TLN2: variants seen among roughly 807,000 people sequenced by gnomAD.
The protein encoded by TLN2 is talin-2.
A neutral mutation model predicts 294.7 loss-of-function variants in TLN2; 118 were observed. That is an observed-to-expected ratio of 0.40 (90% confidence interval 0.34 to 0.47). The LOEUF is 0.47. TLN2 is among the 20% of genes least tolerant of loss of function. The pLI, the probability that TLN2 is intolerant of heterozygous loss-of-function variation, is 0.84. For synonymous variants in TLN2, 1,431 were observed against 1,304.5 expected (o/e 1.10, Z -2.09); for missense variants, 3,083 against 3,282.2 (o/e 0.94, Z 1.48).
rs575939961 is a variant in TLN2, at chr15:62,720,776, T to C, written c.2991+896T>C. Among the ~76,000 whole-genome samples the C allele has an allele frequency of 2.8e-4, 43 of 152,340 alleles. No individual in the cohort carries two copies. In the East Asian group the frequency reaches 4.4e-3, roughly 16 times the overall value. On this transcript the variant is annotated intron_variant, in intron 25 of 58. Transcript: ENST00000636159. The stretch of plus-strand genomic sequence containing the variant: ...TATGATTTTGAATAATCTTCTGTTA[T>C]ATGACTATACTCTTCATTTAACTTT...
intron 3 of TLN2, among the ~76,000 whole-genome samples, chr15:62,628,038 G>A (rs916248120): frequency 2.0e-5 from 3 of 152,166 alleles, no homozygotes; most frequent in Admixed American, 6.5e-5. Flanking sequence ...AAACATTCTC[G>A]TTTTCTAGAG....
At chr15:62,591,079 G>T (rs2046042260) in intron 2 of TLN2, among the ~76,000 whole-genome samples, 2 of 151,852 alleles carry the variant, frequency 1.3e-5, no homozygotes, top group Non-Finnish European at 2.9e-5. Flanking sequence ...TGTATTTTGT[G>T]TGTGGAATTT....
intron 1 of TLN2, among the ~76,000 whole-genome samples, chr15:62,540,453 G>A (rs1413775902): frequency 6.6e-6 from 1 of 151,686 alleles, no homozygotes; most frequent in Non-Finnish European, 1.5e-5. Context: ...ATAAAATGAG[G>A]TATGCAGGTA....
chr15:62,420,924 A>G (rs773795355), intron 1 of TLN2, among the ~76,000 whole-genome samples: 12 of 152,226 alleles, frequency 7.9e-5, no homozygotes, highest in Non-Finnish European at 1.8e-4. Context: ...TAGATTAAGT[A>G]AATTTACTGA....
In TLN2 at chr15:62,838,869, C is replaced by G. The variant is rs528804503; in HGVS notation, c.7388C>G (p.Ala2463Gly). 2 of 1,609,570 alleles carry G rather than the reference C, an allele frequency of 1.2e-6. No homozygotes were observed. Among genetic ancestry groups the G allele is most frequent in the African/African-American group, 1.4e-5 (1 of 71,132 alleles). ...AMRRLQAAGN[A>G]VKRASDNLVR... ...TTCACTCTCCAGGCGGCAGGAAATG[C>G]TGTGAAAAGAGCCTCAGACAATCTT... is the stretch of plus-strand genomic sequence containing the variant. The change falls in exon 58 of 59, where the codon GCT (alanine) becomes GGT (glycine). Residue 2463 changes from alanine to glycine, a missense_variant. Coordinates refer to ENST00000636159, the MANE Select transcript of TLN2 (RefSeq NM_015059.3).
At position 62,593,342 on chromosome 15, in the gene TLN2, G is replaced by C. The variant is rs929455328; in HGVS notation, c.-162+3580G>C. Among the ~76,000 whole-genome samples, 6 of 152,326 alleles carry C rather than the reference G, an allele frequency of 3.9e-5. No individual in the cohort carries two copies. The East Asian group carries it at 7.7e-4, about 20-fold the overall frequency. On this transcript the variant is annotated intron_variant, in intron 2 of 58. Transcript: ENST00000636159. ...CTTAGCACTGTCAATCAAGATTCCT[G>C]GACCTAGGCTGCGCTCCTCACTCTG...
At chr15:62,651,960 A>G (rs1261823595) in intron 5 of TLN2, 45 bp from the exon 6 acceptor site, 1 of 1,490,778 alleles carries the variant, frequency 6.7e-7, no homozygotes, top group Admixed American at 2.1e-5. Context: ...TTTGTTATTT[A>G]TTTTCCCCAC....
Position 62,786,625 on chromosome 15 carries a change from C to T in TLN2, c.5736+2735C>T, listed in dbSNP as rs961409560. Among the ~76,000 whole-genome samples the T allele has an allele frequency of 2.0e-5, 3 of 152,276 alleles. No homozygotes were observed. In the South Asian group the frequency reaches 6.2e-4, roughly 32 times the overall value. The stretch of plus-strand genomic sequence containing the variant: ...CTCTGAGGAAAATGTGCAGTAACCA[C>T]TTGAAATACTGGATGCCTTAAAAGC... On this transcript the variant is annotated intron_variant, in intron 45 of 58. Transcript: ENST00000636159.
chr15:62,504,154 C>T (rs988703499), intron 1 of TLN2, among the ~76,000 whole-genome samples: 9 of 152,138 alleles, frequency 5.9e-5, no homozygotes, highest in African/African-American at 1.9e-4. Flanking sequence ...TGTTGTTGTT[C>T]TTGTTGAACT....
At chr15:62,658,228 T>C in intron 9 of TLN2, 1 of 213,662 alleles carries the variant, frequency 4.7e-6, no homozygotes, top group Non-Finnish European at 9.0e-6. Flanking sequence ...TGAACGCCAG[T>C]GTGGGGGTTG....
rs542938343 is a variant in TLN2 at position 62,673,215 on chromosome 15, G to T, written c.789-612G>T. Reference sequence around the variant, plus strand: ...TCTTACAAGGGATACACAGTCAAAAGACTGTTTTGCAGTTACTTGACATAA... The same window carrying T: ...TCTTACAAGGGATACACAGTCAAAATACTGTTTTGCAGTTACTTGACATAA... On this transcript the variant is annotated intron_variant, in intron 9 of 58. Transcript: ENST00000636159. Among the ~76,000 whole-genome samples the T allele has an allele frequency of 7.3e-5, 11 of 150,428 alleles. No individual in the cohort carries two copies. In the East Asian group the frequency reaches 2.2e-3, roughly 30 times the overall value.
At chr15:62,501,785 G>A (rs753804098) in intron 1 of TLN2, among the ~76,000 whole-genome samples, 1 of 152,146 alleles carries the variant, frequency 6.6e-6, no homozygotes, top group African/African-American at 2.4e-5. Flanking sequence ...AAGGCTCACT[G>A]GGCTTTTCAT....
chr15:62,802,457 GAT>G (rs2065997736), intron 50 of TLN2, among the ~76,000 whole-genome samples: 1 of 151,380 alleles, frequency 6.6e-6, no homozygotes, highest in Admixed American at 6.6e-5. Flanking sequence ...ATATTGAAGA[GAT>G]ATCTGCACTC....
intron 1 of TLN2, among the ~76,000 whole-genome samples, chr15:62,420,790 G>A (rs1448360285): frequency 1.3e-5 from 2 of 152,104 alleles, no homozygotes; most frequent in East Asian, 3.9e-4. Flanking sequence ...ACTTTACTGT[G>A]GGTCTGAAGA....
At chr15:62,740,460 G>C in intron 31 of TLN2, 170 bp from the exon 32 acceptor site, 3 of 754,150 alleles carry the variant, frequency 4.0e-6, no homozygotes, top group Non-Finnish European at 6.5e-6. Flanking sequence ...TTGGAGAAGG[G>C]TAGACACTGG....
At chr15:62,674,427 C>T (rs1048239430) in intron 10 of TLN2, among the ~76,000 whole-genome samples, 2 of 152,014 alleles carry the variant, frequency 1.3e-5, no homozygotes, top group African/African-American at 2.4e-5. Flanking sequence ...AAATTTCATG[C>T]GTATAAAACA....
At chr15:62,661,373 A>G (rs988597561) in intron 9 of TLN2, among the ~76,000 whole-genome samples, 6 of 152,194 alleles carry the variant, frequency 3.9e-5, no homozygotes, top group African/African-American at 1.2e-4. Flanking sequence ...GATAGACTGC[A>G]TATGGAAATA....
At chr15:62,553,939 T>C (rs1435231899) in intron 1 of TLN2, among the ~76,000 whole-genome samples, 1 of 145,950 alleles carries the variant, frequency 6.9e-6, no homozygotes, top group African/African-American at 2.5e-5. Context: ...AATCTAATCT[T>C]TTTTTTTTTT....
At chr15:62,415,714 A>C (rs2034038246) in intron 1 of TLN2, among the ~76,000 whole-genome samples, 1 of 152,206 alleles carries the variant, frequency 6.6e-6, no homozygotes, top group African/African-American at 2.4e-5. Context: ...GGGTTGGGCC[A>C]GTGGGCTCAC....
Sources: gnomAD v4.1 joint callset for allele counts (sites outside exome capture counted in the v4.1 genomes callset) on GRCh38, gnomAD v4.1.1 for gene constraint, MANE v1.5 for transcripts, NCBI Gene and HGNC (gene_info 2026-07-23, HGNC 2026-07-21) for gene names.